Variants in SMARCA2 observed in about 807,000 individuals in gnomAD.
SMARCA2 encodes the protein SWI/SNF-related matrix-associated actin-dependent regulator of chromatin subfamily A member 2.
In SMARCA2, 61 loss-of-function variants were observed where a neutral mutation model predicts 199.8. That is an observed-to-expected ratio of 0.31 (90% CI 0.25 to 0.38). SMARCA2 has a LOEUF of 0.38. Among genes scored for constraint, SMARCA2 ranks in the 10% least tolerant of loss-of-function variants. The pLI is 1.00. For missense variants in SMARCA2, 1,344 were observed against 2,012.2 expected (o/e 0.67, Z 6.35); for synonymous variants, 935 against 732.0 (o/e 1.28, Z -4.48).
At chr9:2,031,572 T>TA (rs1392217581) in intron 2 of SMARCA2, among the ~76,000 whole-genome samples, 3 of 152,256 alleles carry the variant, frequency 2.0e-5, no homozygotes, top group Non-Finnish European at 4.4e-5. Flanking sequence ...GGATTGTTTT[T>TA]ATTAATTGTT....
chr9:2,026,185 G>A (rs934116218), intron 1 of SMARCA2, among the ~76,000 whole-genome samples: 7 of 152,182 alleles, frequency 4.6e-5, no homozygotes, highest in African/African-American at 1.4e-4. Context: ...CACGTTCTAT[G>A]AGAGTCCAGA....
chr9:2,047,320 C>A lies in SMARCA2; in HGVS notation c.882C>A (p.Ala294=). 1 of 1,051,874 alleles carries A rather than the reference C, an allele frequency of 9.5e-7. No homozygotes were observed. The highest frequency in any genetic ancestry group is 1.2e-6 in the Non-Finnish European group (1 of 865,760). 65.2% of individuals were successfully genotyped at this position (1,051,874 alleles called of 1,614,324 possible). The part of the protein sequence containing the change: ...GGRPSPAPPA[A]AQPPAAAVPG... ...GGCCCTCGCCCGCGCCCCCCGCAGC[C>A]GCGCAGCCGCCCGCGGCCGCAGTGC... Residue 294 remains alanine, a synonymous_variant, in exon 5 of 34, where the codon GCC becomes GCA. Coordinates refer to ENST00000349721, the MANE Select transcript of SMARCA2 (RefSeq NM_003070.5).
intron 29 of SMARCA2, among the ~76,000 whole-genome samples, chr9:2,176,769 G>A (rs867354102): frequency 8.0e-5 from 12 of 150,814 alleles, no homozygotes; most frequent in African/African-American, 2.9e-4. Flanking sequence ...TGTTGTCTGT[G>A]CTGGTCTTGA....
At chr9:2,089,894 A>G (rs1821977693) in intron 19 of SMARCA2, among the ~76,000 whole-genome samples, 1 of 152,124 alleles carries the variant, frequency 6.6e-6, no homozygotes, top group African/African-American at 2.4e-5. Context: ...TTATCCCATA[A>G]TTTCTTTTTT....
In SMARCA2 at chr9:2,039,538, C is replaced by T; in HGVS notation, c.428C>T (p.Pro143Leu). ...HVSSPMSGGG[P>L]TPPQMPPSQP... ...TCCAGCCCTATGTCTGGAGGAGGCC[C>T]AACTCCACCTCAGATGCCACCAAGC... Residue 143 changes from proline (P) to leucine (L), a missense_variant, in exon 4 of 34, where the codon CCA becomes CTA. Physicochemically the swap from Pro to Leu is moderately conservative, Grantham distance 98. Coordinates refer to ENST00000349721, the MANE Select transcript of SMARCA2 (RefSeq NM_003070.5). This position sits in a 1 kb window ranked among gnomAD's most constrained non-coding sequence, Gnocchi z 4.8. The T allele has an allele frequency of 6.2e-7, 1 of 1,614,132 alleles. No homozygotes were observed. The highest frequency in any genetic ancestry group is 8.5e-7 in the Non-Finnish European group (1 of 1,180,006).
At chr9:2,073,940 C>A (rs1434004706) in intron 12 of SMARCA2, among the ~76,000 whole-genome samples, 3 of 152,118 alleles carry the variant, frequency 2.0e-5, no homozygotes, top group African/African-American at 7.2e-5. Context: ...GATGGATTAC[C>A]TTGGGAAAGG....
chr9:2,052,618 A>C (rs886727404), intron 5 of SMARCA2, among the ~76,000 whole-genome samples: 2 of 152,256 alleles, frequency 1.3e-5, no homozygotes, highest in African/African-American at 2.4e-5. Context: ...TACTATTTTT[A>C]GTGAAGTCCC....
At chr9:2,183,134 T>C (rs748194671) in intron 31 of SMARCA2, among the ~76,000 whole-genome samples, 13 of 152,330 alleles carry the variant, frequency 8.5e-5, no homozygotes, top group Middle Eastern at 6.8e-3. Context: ...AAGTAAATCA[T>C]TGAAGGTAAT....
At chr9:2,040,038 T>A in intron 4 of SMARCA2, 138 bp downstream of exon 4, 1 of 1,449,204 alleles carries the variant, frequency 6.9e-7, no homozygotes. Context: ...CTATCCTTGC[T>A]CCACTTAGAT....
chr9:2,078,443 G>C (rs1399213352), intron 14 of SMARCA2, among the ~76,000 whole-genome samples: 1 of 151,922 alleles, frequency 6.6e-6, no homozygotes, highest in Non-Finnish European at 1.5e-5. Flanking sequence ...CTGCACTCCA[G>C]CCTGGGTGAC....
chr9:2,085,389 A>T (rs1296563521), intron 17 of SMARCA2, among the ~76,000 whole-genome samples: 1 of 152,242 alleles, frequency 6.6e-6, no homozygotes, highest in Non-Finnish European at 1.5e-5. Flanking sequence ...ATGGAGCTAT[A>T]GAAAGAGGTA....
At chr9:2,058,491 G>A (rs1820449765) in intron 8 of SMARCA2, 27 bp downstream of exon 8, 2 of 1,604,250 alleles carry the variant, frequency 1.2e-6, no homozygotes, top group African/African-American at 2.7e-5. Flanking sequence ...AGGAGCCCAG[G>A]AAACTACTCA....
chr9:2,139,961 A>T (rs1188745765), intron 27 of SMARCA2, among the ~76,000 whole-genome samples: 1 of 152,242 alleles, frequency 6.6e-6, no homozygotes, highest in Non-Finnish European at 1.5e-5. Context: ...ATTTCTCCCA[A>T]AGTTAGCTTG....
chr9:2,117,143 C>G (rs552130627), intron 25 of SMARCA2, among the ~76,000 whole-genome samples: 2 of 151,896 alleles, frequency 1.3e-5, no homozygotes, highest in Non-Finnish European at 2.9e-5. Flanking sequence ...ATTATAAAGT[C>G]GAAAAATCCT....
At chr9:2,052,249 G>T (rs75729973) in intron 5 of SMARCA2, among the ~76,000 whole-genome samples, 1 of 152,220 alleles carries the variant, frequency 6.6e-6, no homozygotes, top group Non-Finnish European at 1.5e-5. Flanking sequence ...CGATGCCTGC[G>T]GATCACCTGA....
Position 2,017,508 on chromosome 9 carries a change from G to C in SMARCA2, c.-37+2104G>C, listed in dbSNP as rs577697606. 1.3e-5 allele frequency: 2 copies of C among 152,696 alleles called. No individual in the cohort carries two copies. The highest frequency in any genetic ancestry group is 4.8e-5 in the African/African-American group (2 of 41,538). The allele number at this position is 152,696 out of a possible 1,614,324, so 9.5% of individuals were successfully genotyped here. On this transcript the variant is annotated intron_variant, in intron 1 of 33. Transcript: ENST00000349721. The surrounding 1 kb of genome is among the most constrained non-coding windows in gnomAD (Gnocchi z 8.8). The stretch of plus-strand genomic sequence containing the variant: ...CCCGGGGAGGACAAGGCGAGGTTTG[G>C]TGGCGAGGGCTGGTGGGGGTGGCGT...
At chr9:2,050,449 G>A (rs1820068449) in intron 5 of SMARCA2, among the ~76,000 whole-genome samples, 1 of 151,928 alleles carries the variant, frequency 6.6e-6, no homozygotes, top group Non-Finnish European at 1.5e-5. Context: ...ACATTGGCAT[G>A]TAAACTAATT....
At chr9:2,181,937 G>T (rs1411092952) in intron 30 of SMARCA2, among the ~76,000 whole-genome samples, 1 of 152,188 alleles carries the variant, frequency 6.6e-6, no homozygotes, top group Non-Finnish European at 1.5e-5. Context: ...CCCATCATAT[G>T]CTCCTCCTTG....
intron 32 of SMARCA2, among the ~76,000 whole-genome samples, chr9:2,189,360 T>G (rs1827718728): frequency 6.6e-6 from 1 of 152,118 alleles, no homozygotes; most frequent in South Asian, 2.1e-4. Flanking sequence ...CACTGACGCG[T>G]GCCTGACAGC....
Sources: allele counts gnomAD v4.1 joint callset (sites outside exome capture counted in the v4.1 genomes callset), GRCh38; gene constraint gnomAD v4.1.1; non-coding constraint Gnocchi (gnomAD v3.1); transcripts MANE v1.5; gene names NCBI Gene and HGNC (gene_info 2026-07-23, HGNC 2026-07-21).